The following CCDC148 variants were observed in gnomAD, a reference collection of about 807,000 sequenced individuals.
CCDC148 encodes the protein coiled-coil domain-containing protein 148.
Under a neutral mutation model 85.7 loss-of-function variants are expected in CCDC148, and 89 were observed. That is an observed-to-expected ratio of 1.04 (90% CI 0.87 to 1.24). The LOEUF (loss-of-function observed/expected upper bound fraction) is 1.24. CCDC148 is among the 50% of genes most tolerant of loss of function. The pLI, the probability that CCDC148 is intolerant of heterozygous loss-of-function variation, is 0.00. For missense variants in CCDC148, 692 were observed against 671.7 expected, an observed-to-expected ratio of 1.03 and a Z score of -0.33; for synonymous variants, 230 against 213.9, an observed-to-expected ratio of 1.08 and a Z score of -0.66.
intron 1 of CCDC148, among the ~76,000 whole-genome samples, chr2:158,381,361 T>C (rs1446373506): frequency 6.6e-6 from 1 of 152,088 alleles, no homozygotes; most frequent in Non-Finnish European, 1.5e-5. Flanking sequence ...ATAAACATAT[T>C]ACAATGCGCT....
chr2:158,346,800 C>T (rs1683017991), intron 2 of CCDC148, among the ~76,000 whole-genome samples: 1 of 152,106 alleles, frequency 6.6e-6, no homozygotes, highest in Non-Finnish European at 1.5e-5. Flanking sequence ...AAAAAGGAAT[C>T]TTTATAATGC....
chr2:158,281,611 G>C (rs1183263436), intron 9 of CCDC148, among the ~76,000 whole-genome samples: 72 of 152,252 alleles, frequency 4.7e-4, no homozygotes, highest in Non-Finnish European at 7.3e-5. Flanking sequence ...CCAATAACAG[G>C]AAGTGAAATT....
chr2:158,326,480 T>C (rs1692783949), intron 7 of CCDC148, among the ~76,000 whole-genome samples: 1 of 152,218 alleles, frequency 6.6e-6, no homozygotes, highest in Non-Finnish European at 1.5e-5. Flanking sequence ...TTTTTGTATA[T>C]TTTATGCCAA....
chr2:158,220,573 A>G, intron 11 of CCDC148, 22 bp downstream of exon 11: 1 of 1,551,630 alleles, frequency 6.4e-7, no homozygotes, highest in Non-Finnish European at 8.8e-7. Flanking sequence ...CCATTACCAC[A>G]CAATTTTAAA....
intron 9 of CCDC148, among the ~76,000 whole-genome samples, chr2:158,303,966 G>A (rs978174040): frequency 2.6e-5 from 4 of 152,172 alleles, no homozygotes; most frequent in Non-Finnish European, 4.4e-5. Context: ...CTTAGTATAC[G>A]GTACAGCATG....
intron 9 of CCDC148, among the ~76,000 whole-genome samples, chr2:158,294,701 G>A (rs1303722694): frequency 6.6e-6 from 1 of 151,684 alleles, no homozygotes; most frequent in Admixed American, 6.6e-5. Flanking sequence ...GCTGGTGCCT[G>A]TAATCCCAGC....
chr2:158,376,003 T>C (rs796546564), intron 1 of CCDC148, among the ~76,000 whole-genome samples: 29 of 152,218 alleles, frequency 1.9e-4, no homozygotes, highest in African/African-American at 7.0e-4. Context: ...TCTGTAACTT[T>C]CAGCCAAACA....
intron 9 of CCDC148, among the ~76,000 whole-genome samples, chr2:158,271,165 A>AT (rs1375436138): frequency 1.3e-5 from 2 of 152,256 alleles, no homozygotes; most frequent in South Asian, 2.1e-4. Flanking sequence ...AATGAAGAAG[A>AT]TTTTGGGGGG....
At chr2:158,176,781 G>T (rs559045624) in intron 12 of CCDC148, 120 bp from the exon 13 acceptor site, 20 of 1,123,798 alleles carry the variant, frequency 1.8e-5, no homozygotes, top group Admixed American at 7.6e-5. Flanking sequence ...AAGCCTGAGA[G>T]GAAAGGGCAG....
At chr2:158,322,806 T>G (rs906844705) in intron 7 of CCDC148, among the ~76,000 whole-genome samples, 6 of 152,226 alleles carry the variant, frequency 3.9e-5, no homozygotes, top group Admixed American at 3.9e-4. Context: ...GGGTTTTAAA[T>G]AGCATTCAGA....
At chr2:158,261,158 TA>T (rs1412969063) in intron 9 of CCDC148, among the ~76,000 whole-genome samples, 1 of 152,012 alleles carries the variant, frequency 6.6e-6, no homozygotes, top group Non-Finnish European at 1.5e-5. Context: ...ATGGTACTGG[TA>T]CAAAAACAGG....
At chr2:158,353,377 G>A (rs1683431786) in intron 2 of CCDC148, among the ~76,000 whole-genome samples, 1 of 150,574 alleles carries the variant, frequency 6.6e-6, no homozygotes, top group South Asian at 2.1e-4. Context: ...AAAGGATGGA[G>A]GAAGATCTAC....
intron 1 of CCDC148, among the ~76,000 whole-genome samples, chr2:158,407,651 A>G (rs1021653122): frequency 1.3e-5 from 2 of 152,236 alleles, no homozygotes; most frequent in Non-Finnish European, 2.9e-5. Flanking sequence ...GGGCAAGGCT[A>G]AAATACTTAG....
At chr2:158,241,334 A>G (rs114916514) in intron 10 of CCDC148, among the ~76,000 whole-genome samples, 1,709 of 152,278 alleles carry the variant, frequency 0.011, 8 homozygotes, top group South Asian at 0.027. Context: ...GTTTTTCTCT[A>G]TTAACTCTTT....
intron 9 of CCDC148, among the ~76,000 whole-genome samples, chr2:158,290,042 TTA>T (rs1203504824): frequency 1.4e-4 from 22 of 151,950 alleles, no homozygotes; most frequent in African/African-American, 5.3e-4. Context: ...AGGTGAGGGG[TTA>T]GGGTAGGGTG....
chr2:158,197,623 A>G (rs559634017), intron 11 of CCDC148, among the ~76,000 whole-genome samples: 1 of 152,278 alleles, frequency 6.6e-6, no homozygotes, highest in East Asian at 1.9e-4. Context: ...CCTCTAATAA[A>G]CAACTTCCCC....
At chr2:158,208,670 C>T (rs371319683) in intron 11 of CCDC148, among the ~76,000 whole-genome samples, 23 of 152,266 alleles carry the variant, frequency 1.5e-4, no homozygotes, top group African/African-American at 4.3e-4. Context: ...AGGATAATTC[C>T]GAAGGGAGTT....
intron 1 of CCDC148, among the ~76,000 whole-genome samples, chr2:158,418,648 C>T (rs1686620596): frequency 9.3e-6 from 1 of 107,212 alleles, no homozygotes; most frequent in African/African-American, 2.9e-5. Flanking sequence ...AATAACATCC[C>T]CAATCCCCAA....
chr2:158,269,426 G>C (rs1011115581), intron 9 of CCDC148, among the ~76,000 whole-genome samples: 3 of 152,092 alleles, frequency 2.0e-5, no homozygotes, highest in African/African-American at 7.2e-5. Context: ...TATCTCACTT[G>C]TGCCATGTAT....
Sources: allele counts gnomAD v4.1 joint callset (sites outside exome capture counted in the v4.1 genomes callset), GRCh38; gene constraint gnomAD v4.1.1; transcripts MANE v1.5; gene names NCBI Gene and HGNC (gene_info 2026-07-23, HGNC 2026-07-21).